The following VPS37A variants were observed in gnomAD, a reference collection of about 807,000 sequenced individuals.
VPS37A encodes the protein VPS37A subunit of ESCRT-I, also known as vacuolar protein sorting-associated protein 37A.
In VPS37A, 30 loss-of-function variants were observed where a neutral mutation model predicts 49.8. That is an observed-to-expected ratio of 0.60 (90% CI 0.45 to 0.82). The LOEUF (loss-of-function observed/expected upper bound fraction) is 0.82, where lower values mean the gene tolerates loss of function less well. VPS37A is among the 40% of genes least tolerant of loss of function. The pLI, the probability that VPS37A is intolerant of heterozygous loss-of-function variation, is 0.00. For synonymous variants in VPS37A, 195 were observed against 160.6 expected, an observed-to-expected ratio of 1.21 and a Z score of -1.62; for missense variants, 593 against 464.4, an observed-to-expected ratio of 1.28 and a Z score of -2.55.
At position 17,284,523 on chromosome 8, in the gene VPS37A, A is replaced by G. The variant is rs748911497; in HGVS notation, c.1020A>G (p.Glu340=). ...LQARLKVAAH[E]AEEESDNIAE... is the part of the protein sequence containing the mutation. ...CAAGATTGAAAGTAGCTGCACATGA[A>G]GCTGAGGAAGAATCTGATAATATTG... Residue 340 remains glutamate (E), a synonymous_variant, in exon 10 of 12, where the codon GAA becomes GAG. Transcript: ENST00000324849. 1.9e-6 allele frequency: 3 copies of G among 1,599,236 alleles called. No homozygotes were observed. The highest frequency in any genetic ancestry group is 2.6e-6 in the Non-Finnish European group (3 of 1,175,432).
At chr8:17,288,466 C>T (rs568743785) in intron 11 of VPS37A, among the ~76,000 whole-genome samples, 1 of 152,090 alleles carries the variant, frequency 6.6e-6, no homozygotes, top group African/African-American at 2.4e-5. Context: ...TGAGAACATG[C>T]ATTAGTTGGT....
chr8:17,308,770 G>C, the VPS37A span, among the ~76,000 whole-genome samples: 1 of 152,088 alleles, frequency 6.6e-6, no homozygotes, highest in African/African-American at 2.4e-5. Flanking sequence ...AGACGTCCAA[G>C]GCCAGACAGT....
intron 11 of VPS37A, among the ~76,000 whole-genome samples, chr8:17,286,951 G>T (rs117370001): frequency 2.0e-5 from 3 of 152,176 alleles, no homozygotes; most frequent in Non-Finnish European, 4.4e-5. Flanking sequence ...GTAATTAATC[G>T]CTAGTAATGA....
chr8:17,306,053 CTAAA>C (rs1220848712), downstream of VPS37A: 30 of 901,874 alleles, frequency 3.3e-5, no homozygotes, highest in Non-Finnish European at 4.3e-5. Flanking sequence ...ACCCTAGTTC[CTAAA>C]TAAATCTTAT....
At chr8:17,314,903 T>G in the VPS37A span, among the ~76,000 whole-genome samples, 1 of 152,082 alleles carries the variant, frequency 6.6e-6, no homozygotes, top group Non-Finnish European at 1.5e-5. Flanking sequence ...AGGCCCAGCA[T>G]CACAGGCAGG....
At chr8:17,285,855 GT>G (rs1352574899) in intron 10 of VPS37A, among the ~76,000 whole-genome samples, 1 of 152,170 alleles carries the variant, frequency 6.6e-6, no homozygotes, top group Non-Finnish European at 1.5e-5. Context: ...AAGGATCAGT[GT>G]TTTTTACATT....
chr8:17,314,372 G>A, the VPS37A span, among the ~76,000 whole-genome samples: 1 of 152,242 alleles, frequency 6.6e-6, no homozygotes, highest in East Asian at 1.9e-4. Context: ...GCAATGAGCT[G>A]TGTAGTCTTG....
chr8:17,280,497 T>A, intron 9 of VPS37A, 54 bp downstream of exon 9: 4 of 1,480,524 alleles, frequency 2.7e-6, no homozygotes, highest in Non-Finnish European at 3.7e-6. Flanking sequence ...TAATCTTATG[T>A]GCATGAGTCC....
intron 1 of VPS37A, among the ~76,000 whole-genome samples, chr8:17,265,346 C>A (rs1813346125): frequency 6.6e-6 from 1 of 152,184 alleles, no homozygotes. Flanking sequence ...TCTATAGCAA[C>A]AACTAGCTAT....
the VPS37A span, among the ~76,000 whole-genome samples, chr8:17,324,210 C>T: frequency 6.6e-5 from 10 of 152,198 alleles, no homozygotes; most frequent in Non-Finnish European, 1.0e-4. Flanking sequence ...GAAGGAAGCA[C>T]TTGTCTATCC....
the VPS37A span, among the ~76,000 whole-genome samples, chr8:17,321,127 C>G: frequency 6.6e-6 from 1 of 152,148 alleles, no homozygotes. Flanking sequence ...GACGCTTAGC[C>G]CAGGAACAAA....
intron 1 of VPS37A, among the ~76,000 whole-genome samples, chr8:17,254,105 G>A (rs1289786324): frequency 1.3e-5 from 2 of 152,050 alleles, no homozygotes; most frequent in Non-Finnish European, 2.9e-5. Flanking sequence ...TGCACAGTTT[G>A]CGTGATTTTT....
intron 11 of VPS37A, among the ~76,000 whole-genome samples, chr8:17,290,598 T>G (rs1309299105): frequency 6.6e-6 from 1 of 152,204 alleles, no homozygotes; most frequent in Non-Finnish European, 1.5e-5. Context: ...TAATGAGGAT[T>G]TTCGCATTGA....
At chr8:17,324,111 A>G in the VPS37A span, among the ~76,000 whole-genome samples, 4 of 152,198 alleles carry the variant, frequency 2.6e-5, no homozygotes, top group East Asian at 5.8e-4. Flanking sequence ...GAAGGCCCTC[A>G]GTGACATCAC....
rs1179180285 is a variant in VPS37A at position 17,248,379 on chromosome 8, C to G, written c.125+1010C>G. On this transcript the variant is annotated intron_variant, in intron 1 of 11. Transcript: ENST00000324849. ...TCCCGGATTCAAGCAATCATCCTCC[C>G]TCAGCTCCCCACACCCCTCCGAGTA... 6 of 455,740 alleles carry G rather than the reference C, an allele frequency of 1.3e-5. 1 individual carries two copies. The highest frequency in any genetic ancestry group is 7.7e-5 in the South Asian group (5 of 64,550). 28.2% of individuals were successfully genotyped at this position (455,740 alleles called of 1,614,324 possible).
chr8:17,286,315 G>C, intron 10 of VPS37A, 32 bp from the exon 11 acceptor site: 1 of 1,579,482 alleles, frequency 6.3e-7, no homozygotes, highest in Non-Finnish European at 8.7e-7. Context: ...CTTTGTAAAA[G>C]TGACTGGTAT....
rs116010392 is a variant in VPS37A, at chr8:17,263,342, G to C, written c.126-2565G>C. On this transcript the variant is annotated intron_variant, in intron 1 of 11. Transcript: ENST00000324849. ...AAATCACATTTGTGATGAATATTCAGGGAATTATTCCTGTTTTAATTAAGT... is the reference window on the plus strand; with the variant it reads ...AAATCACATTTGTGATGAATATTCACGGAATTATTCCTGTTTTAATTAAGT... 2.5e-3 allele frequency among the ~76,000 whole-genome samples: 384 copies of C among 152,096 alleles called. 4 individuals are homozygous for C. The highest frequency in any genetic ancestry group is 8.8e-3 in the African/African-American group (365 of 41,516).
rs971020213 is a variant in VPS37A at position 17,297,028 on chromosome 8, G to C, written c.*2042G>C. ...ATGTGGGTTCTGTTTTTGCAACAGA[G>C]ATTAAGTGACCATTTTTTCTAATTT... On this transcript the variant is annotated 3_prime_UTR_variant, in exon 12 of 12. Coordinates refer to ENST00000324849, the MANE Select transcript of VPS37A (RefSeq NM_152415.3). The C allele has an allele frequency of 6.6e-6, 1 of 152,176 alleles. No individual in the cohort carries two copies. Among genetic ancestry groups the C allele is most frequent in the Non-Finnish European group, 1.5e-5 (1 of 68,014 alleles). 9.4% of individuals were successfully genotyped at this position (152,176 alleles called of 1,614,324 possible).
intron 4 of VPS37A, chr8:17,272,174 C>T: frequency 2.3e-6 from 1 of 434,028 alleles, no homozygotes; most frequent in Non-Finnish European, 4.6e-6. Context: ...CAGGCTCCTC[C>T]TAACAGCCTC....
Sources: gnomAD v4.1 joint callset for allele counts (sites outside exome capture counted in the v4.1 genomes callset) on GRCh38, gnomAD v4.1.1 for gene constraint, MANE v1.5 for transcripts, NCBI Gene and HGNC (gene_info 2026-07-23, HGNC 2026-07-21) for gene names.